Variants in CTBS observed in about 807,000 individuals in gnomAD.
CTBS encodes the protein chitobiase.
Under a neutral mutation model 44.3 loss-of-function variants are expected in CTBS, and 35 were observed. The observed-to-expected ratio is 0.79, with a 90% confidence interval of 0.60 to 1.05. The LOEUF is 1.05. CTBS is among the 50% of genes least tolerant of loss of function. The pLI is 0.00. For synonymous variants in CTBS, 143 were observed against 168.0 expected (o/e 0.85, Z 1.15); for missense variants, 458 against 475.3 (o/e 0.96, Z 0.34).
intron 1 of CTBS, chr1:84,573,881 C>T: frequency 8.9e-7 from 1 of 1,119,428 alleles, no homozygotes; most frequent in Non-Finnish European, 1.1e-6. Context: ...CAAACGAAAT[C>T]CTCGTTCCTT....
In CTBS at chr1:84,573,078, G is replaced by C. The variant is rs185123896; in HGVS notation, c.177+1161C>G. ...AACATTTTAATTGGGAGGCCATTAT[G>C]CTGAAACAGCTCCAACTGCCTTGGA... On this transcript the variant is annotated intron_variant, in intron 1 of 6. Transcript: ENST00000370630. Among the ~76,000 whole-genome samples the C allele has an allele frequency of 1.4e-3, 219 of 152,320 alleles. 1 individual carries two copies. The highest frequency in any genetic ancestry group is 3.4e-3 in the Middle Eastern group (1 of 294).
At chr1:84,572,509 T>C (rs896032117) in intron 1 of CTBS, among the ~76,000 whole-genome samples, 6 of 151,574 alleles carry the variant, frequency 4.0e-5, no homozygotes, top group Non-Finnish European at 5.9e-5. Context: ...GTTTTTGTGT[T>C]TGAAAAACAT....
At chr1:84,563,909 C>T in intron 4 of CTBS, 77 bp from the exon 5 acceptor site, 1 of 1,437,318 alleles carries the variant, frequency 7.0e-7, no homozygotes, top group African/African-American at 1.4e-5. Context: ...TGCAACCGTT[C>T]AGAATCTGTT....
At chr1:84,560,097 A>AAAAGAAAG (rs59549626) in intron 6 of CTBS, among the ~76,000 whole-genome samples, 66 of 114,714 alleles carry the variant, frequency 5.8e-4, no homozygotes, top group African/African-American at 1.6e-3. Context: ...AAAAAAAAAA[A>AAAAGAAAG]AAAGAAAGAA....
intron 6 of CTBS, among the ~76,000 whole-genome samples, chr1:84,561,709 G>A (rs1353400284): frequency 3.3e-5 from 5 of 152,116 alleles, no homozygotes; most frequent in African/African-American, 2.4e-5. Flanking sequence ...CCACCACCCT[G>A]ATCAGTCAGC....
At chr1:84,556,479 G>A (rs1280097135) in intron 6 of CTBS, among the ~76,000 whole-genome samples, 1 of 151,982 alleles carries the variant, frequency 6.6e-6, no homozygotes, top group Non-Finnish European at 1.5e-5. Flanking sequence ...TTGGGAGGCC[G>A]AGGCAGGCAG....
intron 6 of CTBS, among the ~76,000 whole-genome samples, chr1:84,559,367 T>TG (rs1449566936): frequency 6.6e-6 from 1 of 152,224 alleles, no homozygotes; most frequent in Non-Finnish European, 1.5e-5. Context: ...ACGCCTGTAA[T>TG]GCCAACACTT....
chr1:84,561,575 A>G (rs1684594415), intron 6 of CTBS, among the ~76,000 whole-genome samples: 1 of 152,240 alleles, frequency 6.6e-6, no homozygotes, highest in Non-Finnish European at 1.5e-5. Context: ...TGTGGGTAAA[A>G]TGCAATCAAA....
chr1:84,553,169 T>C lies in CTBS; in HGVS notation c.*1830A>G, dbSNP rs747571620. On this transcript the variant is annotated 3_prime_UTR_variant, in exon 7 of 7. Coordinates refer to ENST00000370630, the MANE Select transcript of CTBS (RefSeq NM_004388.3). The stretch of plus-strand genomic sequence containing the variant: ...TTATTTGTAAAAAAATTTAAATATG[T>C]ATTTGAACAGATTTGTTTAACCATT... The C allele has an allele frequency of 9.1e-7, 1 of 1,104,414 alleles. No individual in the cohort carries two copies. Among genetic ancestry groups the C allele is most frequent in the Non-Finnish European group, 1.3e-6 (1 of 780,400 alleles). 68.4% of individuals were successfully genotyped at this position (1,104,414 alleles called of 1,614,324 possible).
chr1:84,574,166 AGG>A (rs1647396799), intron 1 of CTBS, 71 bp downstream of exon 1: 1 of 1,557,650 alleles, frequency 6.4e-7, no homozygotes. Context: ...ACCTCTCCTT[AGG>A]GCTCCGTTCT....
intron 3 of CTBS, among the ~76,000 whole-genome samples, chr1:84,569,279 AC>A (rs1414797710): frequency 6.6e-6 from 1 of 152,190 alleles, no homozygotes; most frequent in Non-Finnish European, 1.5e-5. Context: ...GAGTGAGTTC[AC>A]AGTGTGCATG....
intron 3 of CTBS, among the ~76,000 whole-genome samples, chr1:84,569,054 C>T (rs1403074655): frequency 6.6e-6 from 1 of 152,160 alleles, no homozygotes; most frequent in Non-Finnish European, 1.5e-5. Context: ...TCAGGTAATT[C>T]TGAGACAGGT....
chr1:84,559,682 T>C (rs1317744922), intron 6 of CTBS, among the ~76,000 whole-genome samples: 1 of 152,108 alleles, frequency 6.6e-6, no homozygotes, highest in African/African-American at 2.4e-5. Flanking sequence ...ATGGGAATTT[T>C]GCAATGAATA....
chr1:84,556,040 G>GTA (rs1414231774), intron 6 of CTBS: 3 of 152,310 alleles, frequency 2.0e-5, no homozygotes, highest in Admixed American at 6.5e-5. Context: ...CATTCTCAGA[G>GTA]TCTGTTAGGT....
intron 3 of CTBS, among the ~76,000 whole-genome samples, chr1:84,567,577 A>G (rs865866738): frequency 6.6e-6 from 1 of 152,190 alleles, no homozygotes; most frequent in African/African-American, 2.4e-5. Flanking sequence ...GAGGGTGTAG[A>G]AAGAACTCTT....
rs1462957389 is a variant in CTBS, at chr1:84,563,382, C to T, written c.832G>A (p.Gly278Arg). The change falls in exon 6 of 7, where the codon GGG (glycine) becomes AGG (arginine). Residue 278 changes from glycine (G) to arginine (R), a missense_variant. Physicochemically the swap from Gly to Arg is moderately radical, Grantham distance 125. Transcript: ENST00000370630. ...VCTIAKVPFRGAPCSDAAGRQ... is the reference protein window; with the variant it reads ...VCTIAKVPFRRAPCSDAAGRQ... ...CCTGCAGCGTCACTACAAGGAGCCC[C>T]CCGGAAAGGGACTTTTGCAATGGTA... 1 of 1,576,872 alleles carries T rather than the reference C, an allele frequency of 6.3e-7. No individual in the cohort carries two copies. Among genetic ancestry groups the T allele is most frequent in the Non-Finnish European group, 8.6e-7 (1 of 1,163,622 alleles).
Position 84,556,529 on chromosome 1 carries a change from G to A in CTBS, c.958-1330C>T, listed in dbSNP as rs1232961146. 2.8e-5 allele frequency among the ~76,000 whole-genome samples: 4 copies of A among 141,322 alleles called. No individual in the cohort carries two copies. The East Asian group carries it at 7.9e-4, about 28-fold the overall frequency. 92.7% of individuals were successfully genotyped at this position (141,322 alleles called of 152,430 possible). On this transcript the variant is annotated intron_variant, in intron 6 of 6. Coordinates refer to ENST00000370630, the MANE Select transcript of CTBS (RefSeq NM_004388.3). ...AGATCGAGACCATCCTAGCCAACAT[G>A]GTGAAACCCCATCTTTACTAAAATA...
chr1:84,571,157 T>C (rs1008408541), intron 1 of CTBS, among the ~76,000 whole-genome samples: 2 of 152,192 alleles, frequency 1.3e-5, no homozygotes, highest in Non-Finnish European at 1.5e-5. Flanking sequence ...GGGGAAGGTA[T>C]GCATTTTAGA....
intron 6 of CTBS, among the ~76,000 whole-genome samples, chr1:84,560,110 A>C (rs967439382): frequency 2.4e-5 from 3 of 126,300 alleles, no homozygotes; most frequent in African/African-American, 1.1e-4. Context: ...AGAAAGAAAG[A>C]AAGAAAGAAA....
Sources: allele counts gnomAD v4.1 joint callset (sites outside exome capture counted in the v4.1 genomes callset), GRCh38; gene constraint gnomAD v4.1.1; transcripts MANE v1.5; gene names NCBI Gene and HGNC (gene_info 2026-07-23, HGNC 2026-07-21).